Variants in CADM2 observed in about 807,000 individuals in gnomAD.
CADM2 encodes immunoglobulin superfamily member 4D.
Under a neutral mutation model 49.8 loss-of-function variants are expected in CADM2, and 12 were observed. That is an observed-to-expected ratio of 0.24 (90% CI 0.15 to 0.39). CADM2 has a LOEUF of 0.39. Among genes scored for constraint, CADM2 ranks in the 10% least tolerant of loss-of-function variants. The probability of loss-of-function intolerance (pLI) is 1.00; values close to 1 mark genes in which losing one functional copy is unlikely to be tolerated. For synonymous variants in CADM2, 214 were observed against 175.4 expected (o/e 1.22, Z -1.74); for missense variants, 378 against 492.3 (o/e 0.77, Z 2.20).
At chr3:85,513,888 T>C (rs931851669) in intron 1 of CADM2, among the ~76,000 whole-genome samples, 1 of 152,064 alleles carries the variant, frequency 6.6e-6, no homozygotes, top group Non-Finnish European at 1.5e-5. Context: ...AACATACAAT[T>C]TGACTTACTC....
chr3:85,604,682 C>A (rs1273307807), intron 1 of CADM2, among the ~76,000 whole-genome samples: 2 of 151,926 alleles, frequency 1.3e-5, no homozygotes, highest in East Asian at 3.9e-4. Flanking sequence ...ATGCTAGCAT[C>A]TTTTTGTTGT....
chr3:85,041,894 T>C (rs1030785929), intron 1 of CADM2, among the ~76,000 whole-genome samples: 2 of 152,194 alleles, frequency 1.3e-5, no homozygotes, highest in Non-Finnish European at 2.9e-5. Flanking sequence ...AAAAAAGTCT[T>C]ACAGTAAGTG....
intron 1 of CADM2, among the ~76,000 whole-genome samples, chr3:85,172,506 G>T (rs2040655223): frequency 6.6e-6 from 1 of 152,028 alleles, no homozygotes. Context: ...AGGTGGTGAG[G>T]TCACTACAAT....
At chr3:85,691,201 C>T (rs1438330348) in intron 1 of CADM2, among the ~76,000 whole-genome samples, 1 of 152,170 alleles carries the variant, frequency 6.6e-6, no homozygotes, top group Non-Finnish European at 1.5e-5. Flanking sequence ...CCCTGCCTTA[C>T]TTCACTGAAC....
In CADM2 at chr3:85,883,277, T is replaced by C. The variant is rs1292842117; in HGVS notation, c.239-14T>C. The C allele has an allele frequency of 6.3e-7, 1 of 1,596,946 alleles. No homozygotes were observed. Among genetic ancestry groups the C allele is most frequent in the Admixed American group, 1.7e-5 (1 of 58,898 alleles). On this transcript the variant is annotated splice_polypyrimidine_tract_variant and intron_variant, in intron 3 of 9. Transcript: ENST00000383699. The stretch of plus-strand genomic sequence containing the variant: ...GATGTCCTTATTTACATTTTCAATA[T>C]TTTCTCTTTCCAGCTTTAAGGGACA...
At chr3:85,387,859 C>T (rs2034317723) in intron 1 of CADM2, among the ~76,000 whole-genome samples, 2 of 152,042 alleles carry the variant, frequency 1.3e-5, no homozygotes, top group Admixed American at 1.3e-4. Flanking sequence ...TCCTATAGCA[C>T]CCAAGTTCTA....
intron 8 of CADM2, among the ~76,000 whole-genome samples, chr3:85,974,464 C>A (rs1726535127): frequency 1.3e-5 from 2 of 151,628 alleles, no homozygotes; most frequent in East Asian, 3.9e-4. Context: ...GGAACTCTAG[C>A]CCCTGTTGTA....
At chr3:84,989,058 C>G (rs1177027621) in intron 1 of CADM2, among the ~76,000 whole-genome samples, 1 of 152,124 alleles carries the variant, frequency 6.6e-6, no homozygotes, top group African/African-American at 2.4e-5. Context: ...ATCTGGAATT[C>G]CATTTCTGCC....
intron 8 of CADM2, among the ~76,000 whole-genome samples, chr3:86,034,048 T>C (rs1734871255): frequency 6.6e-6 from 1 of 151,688 alleles, no homozygotes; most frequent in African/African-American, 2.4e-5. Context: ...ATGATTTCAC[T>C]TTCTGGAATT....
chr3:85,476,976 C>CTG (rs1416417312), intron 1 of CADM2, among the ~76,000 whole-genome samples: 1 of 130,140 alleles, frequency 7.7e-6, no homozygotes, highest in African/African-American at 2.7e-5. Context: ...AATCATCTCT[C>CTG]TATTGCAGCA....
chr3:85,419,476 G>T lies in CADM2; in HGVS notation c.62-307046G>T, dbSNP rs1231076294. On this transcript the variant is annotated intron_variant, in intron 1 of 9. Transcript: ENST00000383699. ...CCGTCTCGAAAAAAAAAAAAAAATTGCAGTGAAAGATGTGAACCACGAATA... is the reference window on the plus strand; with the variant it reads ...CCGTCTCGAAAAAAAAAAAAAAATTTCAGTGAAAGATGTGAACCACGAATA... 2.7e-5 allele frequency among the ~76,000 whole-genome samples: 4 copies of T among 150,352 alleles called. No homozygotes were observed. In the East Asian group the frequency reaches 7.8e-4, roughly 29 times the overall value.
At chr3:85,819,209 T>C (rs1317020190) in intron 3 of CADM2, among the ~76,000 whole-genome samples, 9 of 152,148 alleles carry the variant, frequency 5.9e-5, no homozygotes, top group Admixed American at 5.9e-4. Flanking sequence ...CAAGCCAGCT[T>C]CTTCCACCTT....
chr3:85,998,752 A>G (rs1729749481), intron 8 of CADM2, among the ~76,000 whole-genome samples: 2 of 152,128 alleles, frequency 1.3e-5, no homozygotes, highest in Non-Finnish European at 2.9e-5. Flanking sequence ...GAAGATTGAG[A>G]AAGAAAGGAA....
intron 1 of CADM2, among the ~76,000 whole-genome samples, chr3:84,990,880 A>T (rs1197101388): frequency 3.3e-5 from 5 of 152,142 alleles, no homozygotes; most frequent in African/African-American, 9.6e-5. Context: ...AGCATCTAAC[A>T]TCATATTGAT....
At position 85,726,517 on chromosome 3, in the gene CADM2, A is replaced by G. The variant is rs2067701766; in HGVS notation, c.62-5A>G. 6.2e-7 allele frequency: 1 copy of G among 1,612,422 alleles called. No individual in the cohort carries two copies. The highest frequency in any genetic ancestry group is 8.5e-7 in the Non-Finnish European group (1 of 1,178,912). Reference sequence around the variant, plus strand: ...TCTTCTTGTGCAACCTTTCCTTGGTACCAGCGGCTGCTTCAAAGAATAAAG... The same window carrying G: ...TCTTCTTGTGCAACCTTTCCTTGGTGCCAGCGGCTGCTTCAAAGAATAAAG... On this transcript the variant is annotated splice_polypyrimidine_tract_variant and splice_region_variant and intron_variant, in intron 1 of 9. Transcript: ENST00000383699.
chr3:85,575,563 TAAAAA>T (rs1262176129), intron 1 of CADM2, among the ~76,000 whole-genome samples: 1 of 151,866 alleles, frequency 6.6e-6, no homozygotes, highest in Non-Finnish European at 1.5e-5. Flanking sequence ...AAACAAAACA[TAAAAA>T]ATAAAATAAA....
At chr3:84,994,138 C>T (rs1224457158) in intron 1 of CADM2, among the ~76,000 whole-genome samples, 2 of 152,084 alleles carry the variant, frequency 1.3e-5, no homozygotes, top group Non-Finnish European at 2.9e-5. Context: ...TCAGGCTTGT[C>T]ATGTACACTA....
intron 1 of CADM2, among the ~76,000 whole-genome samples, chr3:85,683,890 A>G (rs549830555): frequency 2.6e-5 from 4 of 152,298 alleles, no homozygotes; most frequent in Non-Finnish European, 4.4e-5. Flanking sequence ...AGTAATCACT[A>G]TGACCATTCA....
intron 1 of CADM2, among the ~76,000 whole-genome samples, chr3:85,628,296 T>C (rs1303692557): frequency 6.6e-6 from 1 of 152,000 alleles, no homozygotes; most frequent in Non-Finnish European, 1.5e-5. Flanking sequence ...ATCATGTTGG[T>C]ATATCAATCA....
Sources: allele counts gnomAD v4.1 joint callset (sites outside exome capture counted in the v4.1 genomes callset), GRCh38; gene constraint gnomAD v4.1.1; transcripts MANE v1.5; gene names NCBI Gene and HGNC (gene_info 2026-07-23, HGNC 2026-07-21).